The following RERG variants were observed in gnomAD, a reference collection of about 807,000 sequenced individuals.
RERG encodes the protein RAS like estrogen regulated growth inhibitor.
RERG carries 25 observed loss-of-function variants against 23.2 expected under a neutral mutation model. The ratio of observed to expected loss-of-function variants is 1.08; its 90% CI spans 0.79 to 1.50. The LOEUF (loss-of-function observed/expected upper bound fraction) is 1.50. RERG is among the 40% of genes most tolerant of loss of function. RERG has a pLI of 0.00. For synonymous variants in RERG, 81 were observed against 89.1 expected (o/e 0.91, Z 0.51); for missense variants, 253 against 250.1 (o/e 1.01, Z -0.08).
intron 2 of RERG, among the ~76,000 whole-genome samples, chr12:15,152,227 T>C (rs3748303): frequency 0.18 from 27,497 of 152,070 alleles, 2,606 homozygotes; most frequent in Admixed American, 0.2. Context: ...AGCAAAGTCA[T>C]AGGAGTCAAA....
At chr12:15,154,934 A>G (rs1027251420) in intron 2 of RERG, among the ~76,000 whole-genome samples, 19 of 152,348 alleles carry the variant, frequency 1.2e-4, no homozygotes, top group Admixed American at 3.3e-4. Flanking sequence ...TTCATTTTTT[A>G]AAATGTTAAG....
At chr12:15,117,675 G>A (rs1306549431) in intron 3 of RERG, among the ~76,000 whole-genome samples, 1 of 145,020 alleles carries the variant, frequency 6.9e-6, no homozygotes, top group African/African-American at 2.8e-5. Flanking sequence ...TCACACACGC[G>A]CACACACACA....
intron 2 of RERG, among the ~76,000 whole-genome samples, chr12:15,144,953 A>G (rs935080644): frequency 2.0e-5 from 3 of 152,230 alleles, no homozygotes; most frequent in African/African-American, 7.2e-5. Context: ...AATGTGGAGA[A>G]GCATTTACTT....
chr12:15,164,348 A>G (rs1864655980), intron 2 of RERG, among the ~76,000 whole-genome samples: 1 of 152,224 alleles, frequency 6.6e-6, no homozygotes, highest in Admixed American at 6.5e-5. Context: ...GCTAATGTCC[A>G]GCTTACCACA....
intron 2 of RERG, among the ~76,000 whole-genome samples, chr12:15,184,357 T>G (rs1207134527): frequency 1.3e-5 from 2 of 152,192 alleles, no homozygotes; most frequent in Non-Finnish European, 2.9e-5. Flanking sequence ...GAGAGCAGTC[T>G]TGCAGGGAAG....
intron 2 of RERG, among the ~76,000 whole-genome samples, chr12:15,129,110 T>C (rs903481578): frequency 6.6e-6 from 1 of 152,168 alleles, no homozygotes; most frequent in African/African-American, 2.4e-5. Flanking sequence ...ATGGGGACCA[T>C]GACAGCTAGT....
intron 2 of RERG, among the ~76,000 whole-genome samples, chr12:15,165,914 C>T (rs1004349228): frequency 2.6e-5 from 4 of 152,130 alleles, no homozygotes; most frequent in Admixed American, 2.0e-4. Flanking sequence ...GGATGTGCTT[C>T]GATCACAATT....
At position 15,196,227 on chromosome 12, in the gene RERG, G is replaced by A. The variant is rs74068759; in HGVS notation, c.61+21202C>T. Among the ~76,000 whole-genome samples, 1,096 of 152,254 alleles carry A rather than the reference G, an allele frequency of 7.2e-3. 9 individuals are homozygous for A. Among genetic ancestry groups the A allele is most frequent in the African/African-American group, 0.022 (914 of 41,560 alleles). On this transcript the variant is annotated intron_variant, in intron 2 of 4. Transcript: ENST00000256953. ...GCAGTCAGGTAATATCTATAGATAC[G>A]TAGGAGTGAGCACATTGCCCATCCC...
chr12:15,148,945 T>C (rs1367557529), intron 2 of RERG, among the ~76,000 whole-genome samples: 2 of 131,238 alleles, frequency 1.5e-5, no homozygotes, highest in Non-Finnish European at 3.1e-5. Context: ...CTCGGCTCAC[T>C]GCAACCTCCG....
Position 15,208,683 on chromosome 12 carries a change from CTGAA to C in RERG, c.61+8742_61+8745del, listed in dbSNP as rs1425598338. On this transcript the variant is annotated intron_variant, in intron 2 of 4. Coordinates refer to ENST00000256953, the MANE Select transcript of RERG (RefSeq NM_032918.3). ...CAACAGATACTTGTTGAATGAACAA[CTGAA>C]TGAATGAATAAAAATATATTTTAAG... Among the ~76,000 whole-genome samples, 21 of 151,990 alleles carry C rather than the reference CTGAA, an allele frequency of 1.4e-4. No individual in the cohort carries two copies. In the East Asian group the frequency reaches 2.3e-3, roughly 17 times the overall value.
chr12:15,124,890 A>T (rs1863908750), intron 2 of RERG, among the ~76,000 whole-genome samples: 1 of 149,494 alleles, frequency 6.7e-6, no homozygotes, highest in Admixed American at 6.8e-5. Flanking sequence ...TTCAAGGAAT[A>T]TTACTCATAA....
At chr12:15,177,253 GACCAGCCTGGCCAACAT>G (rs1402203960) in intron 2 of RERG, among the ~76,000 whole-genome samples, 1 of 152,172 alleles carries the variant, frequency 6.6e-6, no homozygotes, top group Non-Finnish European at 1.5e-5. Flanking sequence ...AAGAGTTCGA[GACCAGCCTGGCCAACAT>G]GGCAAAACCC....
At chr12:15,158,520 G>A (rs946024955) in intron 2 of RERG, among the ~76,000 whole-genome samples, 5 of 152,022 alleles carry the variant, frequency 3.3e-5, no homozygotes, top group African/African-American at 7.2e-5. Context: ...GGGCTCAAGC[G>A]ATCCACCTAC....
At chr12:15,208,667 C>T (rs1865325921) in intron 2 of RERG, among the ~76,000 whole-genome samples, 1 of 152,030 alleles carries the variant, frequency 6.6e-6, no homozygotes. Flanking sequence ...TCAACAGATA[C>T]TTGTTGAATG....
At chr12:15,137,023 G>A (rs997838953) in intron 2 of RERG, among the ~76,000 whole-genome samples, 4 of 151,784 alleles carry the variant, frequency 2.6e-5, no homozygotes, top group Admixed American at 6.6e-5. Context: ...TATAATGGCG[G>A]ATTCGTCTAT....
intron 4 of RERG, chr12:15,111,109 A>C: frequency 2.8e-6 from 1 of 361,356 alleles, no homozygotes; most frequent in Non-Finnish European, 4.9e-6. Flanking sequence ...AACCTAGATG[A>C]TATGTGAATA....
At chr12:15,119,012 G>T (rs1863782757) in intron 3 of RERG, among the ~76,000 whole-genome samples, 1 of 151,686 alleles carries the variant, frequency 6.6e-6, no homozygotes, top group Admixed American at 6.6e-5. Flanking sequence ...GAATCAAATG[G>T]ATGGAGAACC....
intron 2 of RERG, among the ~76,000 whole-genome samples, chr12:15,138,329 C>T (rs1864178740): frequency 6.6e-6 from 1 of 151,866 alleles, no homozygotes; most frequent in Non-Finnish European, 1.5e-5. Flanking sequence ...ACATTTGTAC[C>T]ACAGTTGTAC....
intron 2 of RERG, among the ~76,000 whole-genome samples, chr12:15,211,676 A>G (rs1865368109): frequency 6.6e-6 from 1 of 152,156 alleles, no homozygotes; most frequent in Non-Finnish European, 1.5e-5. Flanking sequence ...AACAGAGAGG[A>G]TTTTAAATAT....
Sources: gnomAD v4.1 joint callset for allele counts (sites outside exome capture counted in the v4.1 genomes callset) on GRCh38, gnomAD v4.1.1 for gene constraint, MANE v1.5 for transcripts, NCBI Gene and HGNC (gene_info 2026-07-23, HGNC 2026-07-21) for gene names.